SOS2: variants seen among roughly 807,000 people sequenced by gnomAD.
SOS2 encodes SOS Ras/Rho guanine nucleotide exchange factor 2, also known as son of sevenless homolog 2.
Under a neutral mutation model 148.2 loss-of-function variants are expected in SOS2, and 65 were observed. That is an observed-to-expected ratio of 0.44 (90% CI 0.36 to 0.54). The LOEUF is 0.54. SOS2 is among the 20% of genes least tolerant of loss of function. SOS2 has a pLI of 0.00. For synonymous variants in SOS2, 539 were observed against 537.1 expected (o/e 1.00, Z -0.05); for missense variants, 1,341 against 1,590.2 (o/e 0.84, Z 2.67).
At position 50,127,979 on chromosome 14, in the gene SOS2, T is replaced by A. The variant is rs555783847; in HGVS notation, c.3379+1982A>T. On this transcript the variant is annotated intron_variant, in intron 21 of 22. Coordinates refer to ENST00000216373, the MANE Select transcript of SOS2 (RefSeq NM_006939.4). ...AAACTATTAACAATTAAATGTATAA[T>A]AGGCTTCCACAAAATAAACAAAAAA... Among the ~76,000 whole-genome samples, 12 of 152,350 alleles carry A rather than the reference T, an allele frequency of 7.9e-5. No individual in the cohort carries two copies. The South Asian group carries it at 2.5e-3, about 32-fold the overall frequency.
At chr14:50,228,522 C>G (rs150896036) in intron 1 of SOS2, among the ~76,000 whole-genome samples, 6 of 152,272 alleles carry the variant, frequency 3.9e-5, no homozygotes, top group African/African-American at 1.4e-4. Flanking sequence ...TACTAGTTCC[C>G]TCATCAATGG....
intron 1 of SOS2, among the ~76,000 whole-genome samples, chr14:50,207,512 A>G (rs1008208814): frequency 6.6e-6 from 1 of 152,082 alleles, no homozygotes; most frequent in African/African-American, 2.4e-5. Context: ...CCTCATCTCT[A>G]AAAGAAAACA....
intron 1 of SOS2, among the ~76,000 whole-genome samples, chr14:50,205,497 G>A (rs1886630619): frequency 6.6e-6 from 1 of 152,120 alleles, no homozygotes; most frequent in African/African-American, 2.4e-5. Context: ...CATTTTATTT[G>A]AAGTCTCAAA....
chr14:50,160,389 T>C (rs1454349691), intron 9 of SOS2, among the ~76,000 whole-genome samples: 1 of 55,408 alleles, frequency 1.8e-5, no homozygotes, highest in African/African-American at 6.3e-5. Context: ...CTTTTTTTTT[T>C]TTTTTTTTTT....
At chr14:50,123,380 C>CTTTTTTT (rs34222143) in intron 21 of SOS2, among the ~76,000 whole-genome samples, 4 of 118,484 alleles carry the variant, frequency 3.4e-5, no homozygotes, top group Non-Finnish European at 3.3e-5. Flanking sequence ...CACCAGAGGG[C>CTTTTTTT]TTTTTTTTTT....
chr14:50,134,346 G>A lies in SOS2; in HGVS notation c.2959-107C>T. ...TTTTGCTGAAAATTACTTATTTAAT[G>A]CTAAAAAATAACACATTAAGAGCCC... On this transcript the variant is annotated intron_variant, in intron 18 of 22. Coordinates refer to ENST00000216373, the MANE Select transcript of SOS2 (RefSeq NM_006939.4). 4.9e-6 allele frequency: 3 copies of A among 612,674 alleles called. No individual in the cohort carries two copies. In the East Asian group the frequency reaches 9.2e-5, roughly 19 times the overall value. 38.0% of individuals were successfully genotyped at this position (612,674 alleles called of 1,614,324 possible).
At chr14:50,147,816 G>A (rs1884538331) in intron 14 of SOS2, among the ~76,000 whole-genome samples, 1 of 152,118 alleles carries the variant, frequency 6.6e-6, no homozygotes, top group Non-Finnish European at 1.5e-5. Context: ...TATACAGTGA[G>A]TCAGAATACA....
intron 1 of SOS2, among the ~76,000 whole-genome samples, chr14:50,208,730 A>C (rs1483805978): frequency 5.3e-5 from 8 of 152,242 alleles, no homozygotes; most frequent in Non-Finnish European, 1.0e-4. Context: ...TTTCCTTTGG[A>C]GATCAAGGAA....
chr14:50,190,051 C>T (rs974122602), intron 4 of SOS2, among the ~76,000 whole-genome samples: 5 of 151,710 alleles, frequency 3.3e-5, no homozygotes, highest in Admixed American at 6.6e-5. Flanking sequence ...CGGGGTTTCA[C>T]CATGTTATTC....
At chr14:50,173,336 T>C (rs1438738615) in intron 8 of SOS2, among the ~76,000 whole-genome samples, 1 of 152,214 alleles carries the variant, frequency 6.6e-6, no homozygotes, top group African/African-American at 2.4e-5. Context: ...TATATATGAT[T>C]ATTTCTAATG....
intron 9 of SOS2, among the ~76,000 whole-genome samples, chr14:50,160,960 G>A (rs1310554143): frequency 6.6e-6 from 1 of 152,104 alleles, no homozygotes; most frequent in Non-Finnish European, 1.5e-5. Context: ...GCTGTGAGCT[G>A]AGATCACATC....
At chr14:50,142,152 C>T (rs1237453345) in intron 16 of SOS2, among the ~76,000 whole-genome samples, 1 of 151,788 alleles carries the variant, frequency 6.6e-6, no homozygotes, top group Non-Finnish European at 1.5e-5. Flanking sequence ...GGATTACAGG[C>T]GCCCGCCAGC....
chr14:50,202,312 A>G (rs1886518309), intron 2 of SOS2, among the ~76,000 whole-genome samples: 1 of 152,242 alleles, frequency 6.6e-6, no homozygotes, highest in Admixed American at 6.5e-5. Flanking sequence ...ATGAAAAACA[A>G]GAACTACTGA....
At chr14:50,157,538 A>G (rs1255022190) in intron 11 of SOS2, among the ~76,000 whole-genome samples, 2 of 152,174 alleles carry the variant, frequency 1.3e-5, no homozygotes, top group African/African-American at 2.4e-5. Flanking sequence ...ATATTTAAAT[A>G]ATTTACCTAA....
chr14:50,174,188 TTATA>T lies in SOS2; in HGVS notation c.1068+262_1068+265del, dbSNP rs35893256. Among the ~76,000 whole-genome samples the T allele has an allele frequency of 0.6, 90,269 of 151,298 alleles. 27,675 individuals are homozygous for T. The highest frequency in any genetic ancestry group is 0.68 in the Non-Finnish European group (46,148 of 67,774). ...AGAGAAGAGAGTCATTTTTTTTAAG[TTATA>T]TATATATTTTTAATGTGTTGCTTGG... is the stretch of plus-strand genomic sequence containing the variant. On this transcript the variant is annotated intron_variant, in intron 8 of 22. Transcript: ENST00000216373.
At chr14:50,216,293 C>T (rs1010636578) in intron 1 of SOS2, among the ~76,000 whole-genome samples, 2 of 151,648 alleles carry the variant, frequency 1.3e-5, no homozygotes, top group African/African-American at 4.8e-5. Context: ...GACAGGGTTT[C>T]ATCATGTTGG....
intron 8 of SOS2, among the ~76,000 whole-genome samples, chr14:50,172,361 T>G (rs1246996041): frequency 6.6e-6 from 1 of 151,744 alleles, no homozygotes; most frequent in Non-Finnish European, 1.5e-5. Flanking sequence ...TATTCCATAT[T>G]TATTCTAACG....
At chr14:50,215,807 G>A (rs553608712) in intron 1 of SOS2, among the ~76,000 whole-genome samples, 1 of 152,050 alleles carries the variant, frequency 6.6e-6, no homozygotes, top group East Asian at 1.9e-4. Context: ...TTTTTACCCT[G>A]ATAAACCACT....
chr14:50,138,549 A>ATTTT, intron 18 of SOS2, 63 bp downstream of exon 18: 9 of 599,818 alleles, frequency 1.5e-5, no homozygotes, highest in South Asian at 3.3e-5. Context: ...TATTCATTCT[A>ATTTT]TTTTTTTTTT....
Sources: allele counts gnomAD v4.1 joint callset (sites outside exome capture counted in the v4.1 genomes callset), GRCh38; gene constraint gnomAD v4.1.1; transcripts MANE v1.5; gene names NCBI Gene and HGNC (gene_info 2026-07-23, HGNC 2026-07-21).